The following CDYL variants were observed in gnomAD, a reference collection of about 807,000 sequenced individuals.
CDYL encodes chromodomain Y-like protein.
In CDYL, 8 loss-of-function variants were observed where a neutral mutation model predicts 47.3. The observed-to-expected ratio is 0.17, with a 90% CI of 0.10 to 0.31. The LOEUF (loss-of-function observed/expected upper bound fraction) is 0.31, where lower values mean the gene tolerates loss of function less well. CDYL is among the 10% of genes least tolerant of loss of function. The pLI, the probability that CDYL is intolerant of heterozygous loss-of-function variation, is 1.00. For missense variants in CDYL, 471 were observed against 701.4 expected (o/e 0.67, Z 3.71); for synonymous variants, 266 against 265.0 (o/e 1.00, Z -0.04).
At chr6:4,847,674 C>T (rs1219464701) in intron 1 of CDYL, among the ~76,000 whole-genome samples, 1 of 152,292 alleles carries the variant, frequency 6.6e-6, no homozygotes, top group South Asian at 2.1e-4. Context: ...TCAGTTTTCT[C>T]CAGGATCAAT....
intron 3 of CDYL, among the ~76,000 whole-genome samples, chr6:4,770,236 G>T (rs1384452368): frequency 6.6e-6 from 1 of 152,058 alleles, no homozygotes; most frequent in East Asian, 1.9e-4. Context: ...GTAGCAAGGT[G>T]CCTGGCATAC....
chr6:4,850,500 C>T (rs1760791266), intron 1 of CDYL, among the ~76,000 whole-genome samples: 5 of 151,996 alleles, frequency 3.3e-5, no homozygotes, highest in African/African-American at 1.2e-4. Flanking sequence ...GCTATTTAAA[C>T]TAGTAATTTT....
At chr6:4,909,938 C>T (rs1271240876) in intron 2 of CDYL, among the ~76,000 whole-genome samples, 1 of 152,066 alleles carries the variant, frequency 6.6e-6, no homozygotes, top group East Asian at 1.9e-4. Context: ...GCTTACTGGG[C>T]TTCCAATATG....
At chr6:4,803,208 G>T (rs1289808174) in intron 1 of CDYL, among the ~76,000 whole-genome samples, 3 of 149,166 alleles carry the variant, frequency 2.0e-5, no homozygotes, top group African/African-American at 7.8e-5. Context: ...CTGGCTCCCT[G>T]AGTTTTCCTG....
At chr6:4,792,289 A>G (rs1581169611) in intron 1 of CDYL, among the ~76,000 whole-genome samples, 1 of 152,068 alleles carries the variant, frequency 6.6e-6, no homozygotes, top group East Asian at 1.9e-4. Context: ...GGTATATAAT[A>G]GATTCTAATC....
intron 1 of CDYL, among the ~76,000 whole-genome samples, chr6:4,853,561 C>T (rs926913562): frequency 2.0e-5 from 3 of 152,192 alleles, no homozygotes; most frequent in African/African-American, 7.2e-5. Flanking sequence ...CTTAAAGTAT[C>T]TCTTGAGTCT....
intron 3 of CDYL, among the ~76,000 whole-genome samples, chr6:4,769,945 C>T (rs947017183): frequency 2.0e-5 from 3 of 151,258 alleles, no homozygotes; most frequent in Non-Finnish European, 4.4e-5. Flanking sequence ...TACAGGCGAC[C>T]GCCACCACGC....
intron 1 of CDYL, among the ~76,000 whole-genome samples, chr6:4,856,532 G>A (rs985221361): frequency 3.3e-5 from 5 of 152,222 alleles, no homozygotes; most frequent in Non-Finnish European, 7.3e-5. Context: ...CCTGAGGGTG[G>A]CAGGGTAGAA....
intron 1 of CDYL, chr6:4,715,622 A>G (rs1757241325): frequency 3.1e-6 from 3 of 973,986 alleles, no homozygotes; most frequent in African/African-American, 3.3e-5. Flanking sequence ...GCACAAGCAC[A>G]AAATGCTGGC....
chr6:4,847,008 C>G (rs987036331), intron 1 of CDYL, among the ~76,000 whole-genome samples: 2 of 152,220 alleles, frequency 1.3e-5, no homozygotes, highest in Non-Finnish European at 2.9e-5. Flanking sequence ...TCCCCCCATT[C>G]TTATTCTGCA....
chr6:4,830,187 G>T (rs1357036258), intron 1 of CDYL, among the ~76,000 whole-genome samples: 1 of 152,238 alleles, frequency 6.6e-6, no homozygotes, highest in Non-Finnish European at 1.5e-5. Flanking sequence ...GTGAGTCTGT[G>T]TAAAAGGGCT....
At chr6:4,807,621 G>A (rs1417948280) in intron 1 of CDYL, among the ~76,000 whole-genome samples, 1 of 61,704 alleles carries the variant, frequency 1.6e-5, no homozygotes, top group African/African-American at 6.1e-5. Flanking sequence ...TTTTTTTTTT[G>A]GAGATAGGCT....
chr6:4,895,451 A>ATGTGTGTGTG lies in CDYL; in HGVS notation c.691+3073_691+3074insGTGTGTGTGT, dbSNP rs1762243729. On this transcript the variant is annotated intron_variant, in intron 2 of 6. Coordinates refer to ENST00000397588, the MANE Select transcript of CDYL (RefSeq NM_004824.4). ...TATACATGTATACGTATATATGCAT[A>ATGTGTGTGTG]TATACATGTATACATATATACGTAT... 2.3e-5 allele frequency among the ~76,000 whole-genome samples: 2 copies of ATGTGTGTGTG among 88,152 alleles called. 1 individual carries two copies. Among genetic ancestry groups the ATGTGTGTGTG allele is most frequent in the African/African-American group, 9.3e-5 (2 of 21,520 alleles). 57.8% of individuals were successfully genotyped at this position (88,152 alleles called of 152,430 possible).
At chr6:4,832,624 C>T (rs1200656759) in intron 1 of CDYL, among the ~76,000 whole-genome samples, 5 of 149,858 alleles carry the variant, frequency 3.3e-5, no homozygotes, top group South Asian at 4.2e-4. Flanking sequence ...TCTTTTTCTA[C>T]TGATTGGAAT....
chr6:4,800,921 G>A (rs935460390), intron 1 of CDYL, among the ~76,000 whole-genome samples: 1 of 152,112 alleles, frequency 6.6e-6, no homozygotes, highest in Non-Finnish European at 1.5e-5. Flanking sequence ...AGTTTTGTTT[G>A]TGTTATTCTG....
intron 2 of CDYL, among the ~76,000 whole-genome samples, chr6:4,898,545 A>G (rs1762352553): frequency 6.6e-6 from 1 of 152,240 alleles, no homozygotes; most frequent in East Asian, 1.9e-4. Context: ...AGAGGGGAGT[A>G]GTCCTTTGAG....
At chr6:4,866,115 T>C (rs1761312952) in intron 1 of CDYL, among the ~76,000 whole-genome samples, 1 of 152,286 alleles carries the variant, frequency 6.6e-6, no homozygotes, top group African/African-American at 2.4e-5. Flanking sequence ...ATTTTGGAAA[T>C]TTGAATTCAA....
intron 3 of CDYL, among the ~76,000 whole-genome samples, chr6:4,739,299 C>T (rs943743942): frequency 1.3e-5 from 2 of 151,980 alleles, no homozygotes; most frequent in Non-Finnish European, 2.9e-5. Context: ...GGGTGAATGA[C>T]CTGAGGTCAG....
intron 1 of CDYL, among the ~76,000 whole-genome samples, chr6:4,797,301 T>TAAA (rs1387431900): frequency 6.6e-6 from 1 of 152,212 alleles, no homozygotes; most frequent in Non-Finnish European, 1.5e-5. Flanking sequence ...ATAATACTTC[T>TAAA]AAAAATCACA....
Sources: allele counts gnomAD v4.1 joint callset (sites outside exome capture counted in the v4.1 genomes callset), GRCh38; gene constraint gnomAD v4.1.1; transcripts MANE v1.5; gene names NCBI Gene and HGNC (gene_info 2026-07-23, HGNC 2026-07-21).